The following GPR143 variants were observed in gnomAD, a reference collection of about 807,000 sequenced individuals.
The protein encoded by GPR143 is G-protein coupled receptor 143.
GPR143 carries 8 observed loss-of-function variants against 27.6 expected under a neutral mutation model. The ratio of observed to expected loss-of-function variants is 0.29; its 90% CI spans 0.17 to 0.52. The LOEUF (loss-of-function observed/expected upper bound fraction) is 0.52. Among genes scored for constraint, GPR143 ranks in the 20% least tolerant of loss-of-function variants. The pLI is 0.96. For synonymous variants in GPR143, 156 were observed against 153.2 expected, an observed-to-expected ratio of 1.02 and a Z score of -0.13; for missense variants, 303 against 343.1, an observed-to-expected ratio of 0.88 and a Z score of 0.92.
chrX:9,734,070 A>G lies in GPR143; in HGVS notation c.1120+5415T>C, dbSNP rs188653641. ...ACTCCAGTCTGGGCAACAACAGCGA[A>G]ACTCTGTCTCAAAAAAAAAAAAAAA... On this transcript the variant is annotated intron_variant, in intron 8 of 8. Transcript: ENST00000467482. Among the ~76,000 whole-genome samples the G allele has an allele frequency of 7.6e-3, 690 of 90,386 alleles. 5 individuals are homozygous for G. The highest frequency in any genetic ancestry group is 0.03 in the African/African-American group (655 of 21,717). 78.5% of individuals were successfully genotyped at this position (90,386 alleles called of 115,157 possible).
intron 1 of GPR143, among the ~76,000 whole-genome samples, chrX:9,761,938 T>G (rs1319688327): frequency 9.0e-6 from 1 of 111,056 alleles, no homozygotes; most frequent in Admixed American, 9.6e-5. Flanking sequence ...AATACAATAA[T>G]TAGCTGGAGG....
chrX:9,759,091 C>G (rs185836305), intron 3 of GPR143, among the ~76,000 whole-genome samples: 2 of 111,216 alleles, frequency 1.8e-5, no homozygotes, highest in East Asian at 5.7e-4. Flanking sequence ...TGCAATCCTC[C>G]TACCTCCCAA....
At position 9,726,109 on chromosome X, in the gene GPR143, T is replaced by C. The variant is rs750500433; in HGVS notation, c.1121-269A>G. On this transcript the variant is annotated intron_variant, in intron 8 of 8. Transcript: ENST00000467482. ...AGAATCATCTAGGCCAGTTGATTGA[T>C]AGGTGACTGCGGCACAGATGCTGCA... 2.6e-4 allele frequency: 99 copies of C among 381,484 alleles called. No individual in the cohort carries two copies. The African/African-American group carries it at 2.6e-3, about 10-fold the overall frequency. 31.4% of individuals were successfully genotyped at this position (381,484 alleles called of 1,213,427 possible). A position where few individuals can be genotyped will look rare whatever the true frequency, so the allele number is the denominator to read the frequency against.
chrX:9,768,874 C>T (rs1483298274), upstream of GPR143, among the ~76,000 whole-genome samples: 2 of 110,616 alleles, frequency 1.8e-5, no homozygotes, highest in South Asian at 3.9e-4. Context: ...AGATAGGTTT[C>T]GTCATGTTGG....
Position 9,739,651 on chromosome X carries a change from C to T in GPR143, c.954G>A (p.Leu318=). Residue 318 remains leucine, a synonymous_variant, in exon 8 of 9, where the codon CTG becomes CTA. Coordinates refer to ENST00000467482, the MANE Select transcript of GPR143 (RefSeq NM_000273.3). ...TCTCCTTCCTGGGAGACTGAAAACC[C>T]AGGCTGCATCCTGTCCAGCCGTAGA... is the stretch of plus-strand genomic sequence containing the variant. The part of the protein sequence containing the change: ...LAFYGWTGCS[L]GFQSPRKEIQ... The T allele has an allele frequency of 8.3e-7, 1 of 1,200,171 alleles. No individual in the cohort carries two copies. The highest frequency in any genetic ancestry group is 1.1e-6 in the Non-Finnish European group (1 of 888,927).
chrX:9,764,674 CG>C (rs748155788), intron 1 of GPR143, among the ~76,000 whole-genome samples: 36 of 111,082 alleles, frequency 3.2e-4, no homozygotes, highest in Non-Finnish European at 5.8e-4. Flanking sequence ...ACACAATAAA[CG>C]GATTTTTTAA....
At chrX:9,770,323 A>AGAGAGAGAGAGAGAGAGAG (rs2083549800), upstream of GPR143, among the ~76,000 whole-genome samples, 23 of 89,001 alleles carry the variant, frequency 2.6e-4, no homozygotes, top group African/African-American at 1.1e-3. Context: ...AAGAAAGAAA[A>AGAGAGAGAGAGAGAGAGAG]AGAGAGAGAG....
At chrX:9,734,368 G>A (rs939950765) in intron 8 of GPR143, among the ~76,000 whole-genome samples, 3 of 111,427 alleles carry the variant, frequency 2.7e-5, no homozygotes, top group Non-Finnish European at 5.7e-5. Context: ...GAGAATTATG[G>A]GAGAAACAGA....
upstream of GPR143, among the ~76,000 whole-genome samples, chrX:9,768,770 T>C (rs752332907): frequency 1.7e-4 from 19 of 110,300 alleles, no homozygotes; most frequent in Non-Finnish European, 3.6e-4. Context: ...CTCTGCCTCC[T>C]GGGTTCAAGT....
intron 4 of GPR143, among the ~76,000 whole-genome samples, chrX:9,746,404 A>C (rs1412522260): frequency 9.0e-6 from 1 of 110,868 alleles, no homozygotes; most frequent in Non-Finnish European, 1.9e-5. Flanking sequence ...CACTGGAGGA[A>C]GCTTTTAAAG....
In GPR143 at chrX:9,741,801, G is replaced by A. The variant is rs901693813; in HGVS notation, c.768-346C>T. Among the ~76,000 whole-genome samples the A allele has an allele frequency of 3.6e-5, 4 of 111,693 alleles. No individual in the cohort carries two copies. The East Asian group carries it at 1.1e-3, about 31-fold the overall frequency. The stretch of plus-strand genomic sequence containing the variant: ...CCAGCTAATTGGGAGGCTGGGGTGG[G>A]AGGATCGCTTGAGCCCAGGAAATCG... On this transcript the variant is annotated intron_variant, in intron 6 of 8. Transcript: ENST00000467482.
intron 1 of GPR143, 144 bp from the exon 2 acceptor site, chrX:9,760,970 AGAGG>A (rs1269179142): frequency 4.6e-6 from 2 of 439,535 alleles, no homozygotes; most frequent in African/African-American, 5.0e-5. Flanking sequence ...AGGGAGGGAG[AGAGG>A]GAGGGAAAAA....
chrX:9,765,699 C>T lies in GPR143; in HGVS notation c.119G>A (p.Arg40His). The change falls in exon 1 of 9, where the codon CGC (arginine) becomes CAC (histidine). Residue 40 changes from arginine (R) to histidine (H), a missense_variant. By Grantham distance (29) the Arg-to-His change is conservative. Coordinates refer to ENST00000467482, the MANE Select transcript of GPR143 (RefSeq NM_000273.3). Reference sequence around the variant, plus strand: ...CAGCTGCAGAAGGCCCAGCGCCAAGCGGAGCCCGCCGCTGCCCAGGCAGAG... The same window carrying T: ...CAGCTGCAGAAGGCCCAGCGCCAAGTGGAGCCCGCCGCTGCCCAGGCAGAG... The part of the protein sequence containing the change: ...HALCLGSGGL[R>H]LALGLLQLLP... 2 of 1,107,166 alleles carry T rather than the reference C, an allele frequency of 1.8e-6. No individual in the cohort carries two copies. Among genetic ancestry groups the T allele is most frequent in the Non-Finnish European group, 2.4e-6 (2 of 848,798 alleles). 91.2% of individuals were successfully genotyped at this position (1,107,166 alleles called of 1,213,427 possible). A position where few individuals can be genotyped will look rare whatever the true frequency, so the allele number is the denominator to read the frequency against.
At chrX:9,749,458 C>T (rs961981260) in intron 3 of GPR143, among the ~76,000 whole-genome samples, 1 of 111,012 alleles carries the variant, frequency 9.0e-6, no homozygotes, top group East Asian at 2.8e-4. Flanking sequence ...TCCCCCAGCC[C>T]CTAGCAACCA....
chrX:9,761,455 G>C (rs931083852), intron 1 of GPR143, among the ~76,000 whole-genome samples: 3 of 112,341 alleles, frequency 2.7e-5, no homozygotes, highest in Admixed American at 9.5e-5. Flanking sequence ...AACCATAGTT[G>C]GCCACAGTCT....
Position 9,743,670 on chromosome X carries a change from G to A in GPR143, c.662C>T (p.Ala221Val), listed in dbSNP as rs369465889. 2.8e-6 allele frequency: 3 copies of A among 1,066,913 alleles called. No individual in the cohort carries two copies. Among genetic ancestry groups the A allele is most frequent in the Non-Finnish European group, 3.9e-6 (3 of 764,518 alleles). 87.9% of individuals were successfully genotyped at this position (1,066,913 alleles called of 1,213,427 possible). A position where few individuals can be genotyped will look rare whatever the true frequency, so the allele number is the denominator to read the frequency against. The part of the protein sequence containing the change: ...ILFQKTVTAV[A>V]SLLKGRQGIY... ...GCCTTGTCTTCCTTTAAGTAAAGAG[G>A]CCACTGTGAAGAACAGAAGGAACTA... is the stretch of plus-strand genomic sequence containing the variant. The change falls in exon 6 of 9, where the codon GCC (alanine) becomes GTC (valine). Residue 221 changes from alanine (A) to valine (V), a missense_variant. Transcript: ENST00000467482.
chrX:9,760,430 C>T (rs1196819618), intron 2 of GPR143, among the ~76,000 whole-genome samples: 4 of 111,906 alleles, frequency 3.6e-5, no homozygotes, highest in African/African-American at 1.3e-4. Flanking sequence ...TATATTTATA[C>T]AAAATGCATC....
At chrX:9,767,122 A>C (rs1853674628), upstream of GPR143, among the ~76,000 whole-genome samples, 1 of 110,903 alleles carries the variant, frequency 9.0e-6, no homozygotes. Context: ...TATTCTATAC[A>C]TGTAAGTTTC....
chrX:9,747,615 T>C (rs1479968085), intron 4 of GPR143, among the ~76,000 whole-genome samples: 1 of 112,093 alleles, frequency 8.9e-6, no homozygotes, highest in Non-Finnish European at 1.9e-5. Context: ...AACACCAATT[T>C]GGAGACATCC....
Sources: gnomAD v4.1 joint callset for allele counts (sites outside exome capture counted in the v4.1 genomes callset) on GRCh38, gnomAD v4.1.1 for gene constraint, MANE v1.5 for transcripts, NCBI Gene and HGNC (gene_info 2026-07-23, HGNC 2026-07-21) for gene names.